FEZ2: variants seen among roughly 807,000 people sequenced by gnomAD.
FEZ2 encodes fasciculation and elongation protein zeta 2, also known as fasciculation and elongation protein zeta-2.
FEZ2 carries 51 observed loss-of-function variants against 40.4 expected under a neutral mutation model. The observed-to-expected ratio is 1.26, with a 90% confidence interval of 1.01 to 1.59. The LOEUF (loss-of-function observed/expected upper bound fraction) is 1.59, where lower values mean the gene tolerates loss of function less well. FEZ2 is among the 40% of genes most tolerant of loss of function. The probability of loss-of-function intolerance (pLI) is 0.00; values close to 1 mark genes in which losing one functional copy is unlikely to be tolerated. For synonymous variants in FEZ2, 242 were observed against 172.0 expected (o/e 1.41, Z -3.18); for missense variants, 640 against 438.3 (o/e 1.46, Z -4.11).
Position 36,552,761 on chromosome 2 carries a change from G to C in FEZ2, c.*402C>G, listed in dbSNP as rs1667849646. 5.0e-6 allele frequency: 1 copy of C among 198,218 alleles called. No individual in the cohort carries two copies. The highest frequency in any genetic ancestry group is 2.4e-5 in the African/African-American group (1 of 42,292). 12.3% of individuals were successfully genotyped at this position (198,218 alleles called of 1,614,324 possible). On this transcript the variant is annotated 3_prime_UTR_variant, in exon 8 of 8. Transcript: ENST00000405912. Reference sequence around the variant, plus strand: ...ACAATTCTCACAAAAAAACAGTGTTGGTTCTTGCCATCACTGAATTTATAG... The same window carrying C: ...ACAATTCTCACAAAAAAACAGTGTTCGTTCTTGCCATCACTGAATTTATAG...
chr2:36,586,716 G>A lies in FEZ2; in HGVS notation c.376-3247C>T, dbSNP rs534912028. 9.2e-5 allele frequency among the ~76,000 whole-genome samples: 14 copies of A among 152,138 alleles called. No homozygotes were observed. The South Asian group carries it at 1.9e-3, about 20-fold the overall frequency. ...AACACTTTGGGAGGCCAAGGTGGGA[G>A]GATCTCCTGAGGTCAGGACATCAAG... On this transcript the variant is annotated intron_variant, in intron 2 of 7. Transcript: ENST00000405912.
chr2:36,597,121 C>T (rs1669248059), intron 1 of FEZ2, among the ~76,000 whole-genome samples: 1 of 152,180 alleles, frequency 6.6e-6, no homozygotes, highest in Non-Finnish European at 1.5e-5. Flanking sequence ...GTTTTCGTCT[C>T]TGTGGCGGCT....
intron 1 of FEZ2, among the ~76,000 whole-genome samples, chr2:36,593,183 A>G (rs770942033): frequency 1.6e-4 from 25 of 152,220 alleles, no homozygotes; most frequent in East Asian, 1.2e-3. Flanking sequence ...CACATGGCTG[A>G]GGAGGCCTCA....
chr2:36,552,374 C>A lies in FEZ2; in HGVS notation c.*789G>T. 2.7e-6 allele frequency: 1 copy of A among 371,254 alleles called. No individual in the cohort carries two copies. The highest frequency in any genetic ancestry group is 2.1e-5 in the South Asian group (1 of 47,554). The allele number at this position is 371,254 out of a possible 1,614,324, so 23.0% of individuals were successfully genotyped here. A position where few individuals can be genotyped will look rare whatever the true frequency, so the allele number is the denominator to read the frequency against. On this transcript the variant is annotated 3_prime_UTR_variant, in exon 8 of 8. Transcript: ENST00000405912. ...ATCTAGAATTCATACTTAAGAAAAACACACAGGCATGAATAAAATAGGACA... is the reference window on the plus strand; with the variant it reads ...ATCTAGAATTCATACTTAAGAAAAAAACACAGGCATGAATAAAATAGGACA...
chr2:36,581,488 T>A, intron 3 of FEZ2, 57 bp from the exon 4 acceptor site: 2 of 1,515,508 alleles, frequency 1.3e-6, no homozygotes, highest in Non-Finnish European at 9.2e-7. Context: ...ATGATCTATC[T>A]GGAACACAGT....
chr2:36,554,053 T>A (rs1411348132), intron 7 of FEZ2: 1 of 336,154 alleles, frequency 3.0e-6, no homozygotes, highest in Admixed American at 3.8e-5. Context: ...CACTGTAGTC[T>A]AAATCCTTGC....
intron 2 of FEZ2, among the ~76,000 whole-genome samples, chr2:36,588,275 AC>A (rs1350374497): frequency 1.3e-5 from 2 of 151,798 alleles, no homozygotes; most frequent in Non-Finnish European, 2.9e-5. Flanking sequence ...TGATCCATCC[AC>A]CTCAGCCTCC....
intron 2 of FEZ2, among the ~76,000 whole-genome samples, chr2:36,584,622 C>G (rs1424488215): frequency 6.6e-6 from 1 of 152,084 alleles, no homozygotes; most frequent in Non-Finnish European, 1.5e-5. Flanking sequence ...AATAAATGGG[C>G]AACAAGGATT....
chr2:36,555,665 T>C lies in FEZ2; in HGVS notation c.1045+18A>G, dbSNP rs759555826. On this transcript the variant is annotated intron_variant, in intron 7 of 7. Coordinates refer to ENST00000405912, the MANE Select transcript of FEZ2 (RefSeq NM_005102.3). ...CCAAACCTCCCAGCCATCGCACCTA[T>C]ACCATTATAAAACTCACCTTTCAGA... 2 of 1,507,710 alleles carry C rather than the reference T, an allele frequency of 1.3e-6. No homozygotes were observed. Among genetic ancestry groups the C allele is most frequent in the Non-Finnish European group, 9.1e-7 (1 of 1,099,088 alleles). 93.4% of individuals were successfully genotyped at this position (1,507,710 alleles called of 1,614,324 possible).
intron 5 of FEZ2, among the ~76,000 whole-genome samples, chr2:36,567,424 G>T (rs989073291): frequency 2.0e-5 from 3 of 152,192 alleles, no homozygotes; most frequent in Admixed American, 2.0e-4. Flanking sequence ...AAATAATCTT[G>T]TTGGCGTGGT....
At chr2:36,577,998 C>CA (rs1456552411) in intron 5 of FEZ2, among the ~76,000 whole-genome samples, 1 of 152,202 alleles carries the variant, frequency 6.6e-6, no homozygotes, top group Non-Finnish European at 1.5e-5. Context: ...AAAATCTTAT[C>CA]AAAGGGTCAG....
At chr2:36,592,273 T>C (rs949888840) in intron 1 of FEZ2, among the ~76,000 whole-genome samples, 1 of 151,546 alleles carries the variant, frequency 6.6e-6, no homozygotes, top group African/African-American at 2.4e-5. Flanking sequence ...AACATAAGAA[T>C]GAATTTTTTT....
At chr2:36,589,209 A>G (rs1023492757) in intron 2 of FEZ2, among the ~76,000 whole-genome samples, 13 of 152,202 alleles carry the variant, frequency 8.5e-5, no homozygotes, top group African/African-American at 2.2e-4. Flanking sequence ...CCAGAAACAT[A>G]TGATTAACAA....
intron 6 of FEZ2, chr2:36,557,630 T>C (rs1040786849): frequency 6.6e-5 from 10 of 152,200 alleles, no homozygotes; most frequent in African/African-American, 2.4e-4. Context: ...TAACGGCTAA[T>C]TGATAGTAAC....
intron 1 of FEZ2, among the ~76,000 whole-genome samples, chr2:36,593,223 T>A (rs1182570302): frequency 1.3e-5 from 2 of 152,140 alleles, no homozygotes; most frequent in Non-Finnish European, 2.9e-5. Context: ...AAGGCACTTC[T>A]TACATGGTGG....
At chr2:36,576,251 T>C (rs1352214384) in intron 5 of FEZ2, among the ~76,000 whole-genome samples, 1 of 150,022 alleles carries the variant, frequency 6.7e-6, no homozygotes, top group Non-Finnish European at 1.5e-5. Flanking sequence ...TAGGAAGGTC[T>C]TTCCCTGGCA....
chr2:36,563,760 G>C (rs1668156881), intron 5 of FEZ2, among the ~76,000 whole-genome samples: 1 of 152,064 alleles, frequency 6.6e-6, no homozygotes, highest in South Asian at 2.1e-4. Flanking sequence ...TCATTTATTT[G>C]ATCTGGAAGA....
chr2:36,566,836 A>T (rs1668254578), intron 5 of FEZ2, among the ~76,000 whole-genome samples: 2 of 152,250 alleles, frequency 1.3e-5, no homozygotes, highest in Admixed American at 1.3e-4. Context: ...AGATGATTAA[A>T]TCATATTAAC....
chr2:36,553,269 T>C, intron 7 of FEZ2, 90 bp from the exon 8 acceptor site: 1 of 995,362 alleles, frequency 1.0e-6, no homozygotes, highest in Non-Finnish European at 1.5e-6. Flanking sequence ...TTAAAAACCA[T>C]TAAGTAATGA....
Sources: allele counts gnomAD v4.1 joint callset (sites outside exome capture counted in the v4.1 genomes callset), GRCh38; gene constraint gnomAD v4.1.1; transcripts MANE v1.5; gene names NCBI Gene and HGNC (gene_info 2026-07-23, HGNC 2026-07-21).